Variants in C19orf47 observed in about 807,000 individuals in gnomAD.
C19orf47 encodes the protein uncharacterized protein C19orf47.
A neutral mutation model predicts 32.3 loss-of-function variants in C19orf47; 18 were observed. The ratio of observed to expected loss-of-function variants is 0.56; its 90% CI spans 0.39 to 0.83. C19orf47 has a LOEUF of 0.83. C19orf47 is among the 40% of genes least tolerant of loss of function. The probability of loss-of-function intolerance (pLI) is 0.00; values close to 1 mark genes in which losing one functional copy is unlikely to be tolerated. For missense variants in C19orf47, 484 were observed against 531.6 expected (o/e 0.91, Z 0.88); for synonymous variants, 202 against 211.1 (o/e 0.96, Z 0.37).
the C19orf47 span, among the ~76,000 whole-genome samples, chr19:40,311,612 C>T: frequency 1.2e-3 from 187 of 152,192 alleles, 1 homozygote; most frequent in Middle Eastern, 0.01. Flanking sequence ...CCACACCTTG[C>T]GCTTTCACAG....
At chr19:40,301,573 C>T in the C19orf47 span, among the ~76,000 whole-genome samples, 3 of 151,716 alleles carry the variant, frequency 2.0e-5, no homozygotes, top group Non-Finnish European at 4.4e-5. Context: ...AACTCCTGAC[C>T]TCGTGATCCA....
downstream of C19orf47, among the ~76,000 whole-genome samples, chr19:40,318,754 A>G (rs2077679945): frequency 6.6e-6 from 1 of 152,096 alleles, no homozygotes; most frequent in African/African-American, 2.4e-5. Context: ...AAAGGCATCT[A>G]TTACTGCTCT....
chr19:40,348,447 T>C (rs1275856989), upstream of C19orf47: 6 of 1,499,052 alleles, frequency 4.0e-6, no homozygotes, highest in Admixed American at 2.2e-5. Context: ...CGCCGGAAGC[T>C]GAACTGACTC....
intron 1 of C19orf47, among the ~76,000 whole-genome samples, chr19:40,347,106 G>C (rs1198538113): frequency 1.3e-5 from 2 of 152,066 alleles, no homozygotes; most frequent in Non-Finnish European, 2.9e-5. Flanking sequence ...CCTATTCAAA[G>C]GGAATACGTA....
intron 7 of C19orf47, among the ~76,000 whole-genome samples, chr19:40,325,269 C>CAA (rs760539610): frequency 9.0e-6 from 1 of 111,674 alleles, no homozygotes; most frequent in African/African-American, 3.4e-5. Flanking sequence ...GACTCCGTTT[C>CAA]AAAAAAAAAA....
At chr19:40,307,845 C>T in the C19orf47 span, among the ~76,000 whole-genome samples, 2 of 151,542 alleles carry the variant, frequency 1.3e-5, no homozygotes, top group African/African-American at 2.4e-5. Context: ...ATCACCCAGG[C>T]TGGAGTGCAG....
chr19:40,298,472 A>G, the C19orf47 span, among the ~76,000 whole-genome samples: 2 of 152,214 alleles, frequency 1.3e-5, no homozygotes, highest in Non-Finnish European at 2.9e-5. Context: ...CACAGACACA[A>G]GTTTATTTAC....
chr19:40,294,667 T>C, the C19orf47 span, among the ~76,000 whole-genome samples: 1 of 152,212 alleles, frequency 6.6e-6, no homozygotes, highest in East Asian at 1.9e-4. Context: ...CCTTGGGTCT[T>C]GTTTTATGTC....
intron 7 of C19orf47, among the ~76,000 whole-genome samples, chr19:40,325,814 G>A (rs1014722713): frequency 7.2e-5 from 11 of 152,102 alleles, no homozygotes; most frequent in African/African-American, 2.4e-4. Context: ...GGGCCACCGC[G>A]CCCAGCCTTT....
chr19:40,347,544 A>G (rs1273566784), intron 1 of C19orf47, among the ~76,000 whole-genome samples: 1 of 152,134 alleles, frequency 6.6e-6, no homozygotes, highest in Non-Finnish European at 1.5e-5. Flanking sequence ...AAGAAAAAAA[A>G]AAGAAGAAGA....
At chr19:40,327,080 C>G (rs948516329) in intron 6 of C19orf47, among the ~76,000 whole-genome samples, 1 of 141,618 alleles carries the variant, frequency 7.1e-6, no homozygotes, top group Admixed American at 7.6e-5. Context: ...ATGGCACGAT[C>G]TCAGCTCACT....
Position 40,346,121 on chromosome 19 carries a change from A to G in C19orf47, c.-34+2203T>C, listed in dbSNP as rs2078272331. On this transcript the variant is annotated intron_variant, in intron 1 of 8. Coordinates refer to ENST00000683109, the MANE Select transcript of C19orf47 (RefSeq NM_001256441.2). ...CAGTGAGCCGAAACTGTACCACTAC[A>G]CTCCAGCCTGGGCAACAGAGTGAGA... 2.7e-5 allele frequency among the ~76,000 whole-genome samples: 4 copies of G among 147,290 alleles called. No homozygotes were observed. In the South Asian group the frequency reaches 8.6e-4, roughly 32 times the overall value.
At chr19:40,299,897 C>T in the C19orf47 span, among the ~76,000 whole-genome samples, 2 of 151,924 alleles carry the variant, frequency 1.3e-5, no homozygotes, top group South Asian at 2.1e-4. Context: ...GGCGTGGTGA[C>T]GGGCACCTAT....
Position 40,326,619 on chromosome 19 carries a change from C to A in C19orf47, c.440-133G>T, listed in dbSNP as rs2077836313. ...CCCTTACCTTCCCAACCACCCACAT[C>A]ACCACTGACCGAACCACAGAGAAAC... On this transcript the variant is annotated intron_variant, in intron 6 of 8. Coordinates refer to ENST00000683109, the MANE Select transcript of C19orf47 (RefSeq NM_001256441.2). The A allele has an allele frequency of 5.4e-6, 6 of 1,103,756 alleles. No individual in the cohort carries two copies. The South Asian group carries it at 9.7e-5, about 18-fold the overall frequency. 68.4% of individuals were successfully genotyped at this position (1,103,756 alleles called of 1,614,324 possible).
intron 1 of C19orf47, chr19:40,342,573 CAG>C (rs1477978569): frequency 1.4e-4 from 22 of 152,362 alleles, no homozygotes; most frequent in African/African-American, 5.3e-4. Context: ...ACAGGGGAGA[CAG>C]AGAGTAAACA....
In C19orf47 at chr19:40,324,018, C is replaced by G. The variant is rs755618274; in HGVS notation, c.651G>C (p.Thr217=). 1 of 1,614,248 alleles carries G rather than the reference C, an allele frequency of 6.2e-7. No homozygotes were observed. Among genetic ancestry groups the G allele is most frequent in the African/African-American group, 1.3e-5 (1 of 75,066 alleles). Residue 217 remains threonine, a synonymous_variant, in exon 8 of 9, where the codon ACG becomes ACC. Coordinates refer to ENST00000683109, the MANE Select transcript of C19orf47 (RefSeq NM_001256441.2). The part of the protein sequence containing the change: ...RLGAETKADT[T]TGSKPTGVFS... Reference sequence around the variant, plus strand: ...CATCCCCACTCACTTTACTCCCTGTCGTGGTGTCTGCCTTGGTCTCGGCGC... The same window carrying G: ...CATCCCCACTCACTTTACTCCCTGTGGTGGTGTCTGCCTTGGTCTCGGCGC...
At chr19:40,305,002 G>C in the C19orf47 span, among the ~76,000 whole-genome samples, 1 of 152,048 alleles carries the variant, frequency 6.6e-6, no homozygotes, top group Non-Finnish European at 1.5e-5. Context: ...GCTGAGGTGG[G>C]CGGATCACTT....
intron 1 of C19orf47, among the ~76,000 whole-genome samples, chr19:40,347,160 T>C (rs533081398): frequency 1.3e-5 from 2 of 152,288 alleles, no homozygotes; most frequent in South Asian, 2.1e-4. Flanking sequence ...TACAATGTAA[T>C]GGGCTGTTCA....
At chr19:40,331,077 G>A (rs113842384) in intron 5 of C19orf47, among the ~76,000 whole-genome samples, 1,637 of 152,262 alleles carry the variant, frequency 0.011, 38 homozygotes, top group African/African-American at 0.038. Flanking sequence ...TTGCAGAAAC[G>A]AACCCTAATT....
Sources: allele counts gnomAD v4.1 joint callset (sites outside exome capture counted in the v4.1 genomes callset), GRCh38; gene constraint gnomAD v4.1.1; transcripts MANE v1.5; gene names NCBI Gene and HGNC (gene_info 2026-07-23, HGNC 2026-07-21).